RANBP17: variants seen among roughly 807,000 people sequenced by gnomAD.
The protein encoded by RANBP17 is ran-binding protein 17.
RANBP17 carries 158 observed loss-of-function variants against 141.2 expected under a neutral mutation model. The observed-to-expected ratio is 1.12, with a 90% confidence interval of 0.98 to 1.28. The LOEUF (loss-of-function observed/expected upper bound fraction) is 1.28. Among genes scored for constraint, RANBP17 ranks in the 50% most tolerant of loss-of-function variants. The pLI, the probability that RANBP17 is intolerant of heterozygous loss-of-function variation, is 0.00. For missense variants in RANBP17, 1,438 were observed against 1,290.7 expected (o/e 1.11, Z -1.75); for synonymous variants, 430 against 450.0 (o/e 0.96, Z 0.56).
chr5:171,288,862 C>G (rs756213679), intron 25 of RANBP17, among the ~76,000 whole-genome samples: 11 of 152,172 alleles, frequency 7.2e-5, no homozygotes, highest in African/African-American at 1.2e-4. Context: ...TACAAAGGCA[C>G]TCTCTGGAGC....
At chr5:171,036,186 G>A (rs2127625917) in intron 14 of RANBP17, among the ~76,000 whole-genome samples, 1 of 152,266 alleles carries the variant, frequency 6.6e-6, no homozygotes, top group East Asian at 1.9e-4. Context: ...ACAGGTGTGA[G>A]CCACCTCTGT....
intron 14 of RANBP17, among the ~76,000 whole-genome samples, chr5:171,078,424 G>T (rs1276278909): frequency 5.9e-5 from 9 of 152,114 alleles, no homozygotes; most frequent in Admixed American, 5.9e-4. Flanking sequence ...CCAAAGTGCT[G>T]GGATTACGGG....
chr5:170,937,877 G>T (rs958963776), intron 12 of RANBP17, among the ~76,000 whole-genome samples: 1 of 152,116 alleles, frequency 6.6e-6, no homozygotes, highest in Non-Finnish European at 1.5e-5. Flanking sequence ...ATTAGTGTTT[G>T]GTTCTTCAAA....
chr5:171,128,810 A>C (rs932573806), intron 14 of RANBP17, among the ~76,000 whole-genome samples: 1 of 118,144 alleles, frequency 8.5e-6, no homozygotes, highest in Admixed American at 9.4e-5. Flanking sequence ...TAAAAAAATA[A>C]AATAGTCAAG....
chr5:170,968,229 TCCC>T lies in RANBP17; in HGVS notation c.1575-12_1575-10del, dbSNP rs1581264303. ...TGTACTGAAGGTTTTTTTTTTATTT[TCCC>T]TTCATGAAGAGTTTTTCAGCTTATA... On this transcript the variant is annotated splice_polypyrimidine_tract_variant and intron_variant, in intron 13 of 27. Transcript: ENST00000523189. The T allele has an allele frequency of 3.9e-6, 6 of 1,538,834 alleles. No homozygotes were observed. Among genetic ancestry groups the T allele is most frequent in the Admixed American group, 2.4e-5 (1 of 41,088 alleles).
At chr5:170,957,190 A>G (rs1186922625) in intron 13 of RANBP17, among the ~76,000 whole-genome samples, 1 of 152,138 alleles carries the variant, frequency 6.6e-6, no homozygotes, top group Non-Finnish European at 1.5e-5. Flanking sequence ...AACAAATATT[A>G]GTTTTTTATT....
At chr5:170,864,574 C>T (rs1204824856) in intron 1 of RANBP17, among the ~76,000 whole-genome samples, 2 of 152,092 alleles carry the variant, frequency 1.3e-5, no homozygotes, top group Non-Finnish European at 2.9e-5. Context: ...GATTCCCTGA[C>T]AGGCAATCCA....
chr5:171,164,493 G>A (rs1332681487), intron 14 of RANBP17, among the ~76,000 whole-genome samples: 1 of 151,638 alleles, frequency 6.6e-6, no homozygotes, highest in East Asian at 1.9e-4. Context: ...AATTCTACAG[G>A]CAATATTTGT....
chr5:171,079,300 C>T (rs1159513444), intron 14 of RANBP17, among the ~76,000 whole-genome samples: 1 of 152,114 alleles, frequency 6.6e-6, no homozygotes, highest in Non-Finnish European at 1.5e-5. Context: ...TATGAATAAA[C>T]AAATAAAATG....
intron 14 of RANBP17, among the ~76,000 whole-genome samples, chr5:171,000,238 A>G (rs997060898): frequency 6.6e-6 from 1 of 152,106 alleles, no homozygotes; most frequent in African/African-American, 2.4e-5. Context: ...CCTGCTTTCA[A>G]TTCTTTTGGA....
At chr5:171,225,559 C>T (rs2127985279) in intron 22 of RANBP17, among the ~76,000 whole-genome samples, 1 of 151,618 alleles carries the variant, frequency 6.6e-6, no homozygotes, top group African/African-American at 2.4e-5. Flanking sequence ...ACTGGGAGGG[C>T]ACAGAAGAGC....
intron 14 of RANBP17, among the ~76,000 whole-genome samples, chr5:171,159,718 A>G (rs1158676638): frequency 6.6e-6 from 1 of 151,850 alleles, no homozygotes; most frequent in Admixed American, 6.6e-5. Context: ...TCAGGAGATC[A>G]AGACCATCCT....
At chr5:171,233,660 A>G (rs1336911199) in intron 22 of RANBP17, among the ~76,000 whole-genome samples, 1 of 152,248 alleles carries the variant, frequency 6.6e-6, no homozygotes, top group Non-Finnish European at 1.5e-5. Flanking sequence ...TACATACTGT[A>G]TAATCCCAAC....
chr5:171,176,032 C>T (rs558026827), intron 16 of RANBP17, among the ~76,000 whole-genome samples: 3 of 152,144 alleles, frequency 2.0e-5, no homozygotes, highest in East Asian at 1.9e-4. Flanking sequence ...GTATACAGCC[C>T]GCATGCCTGT....
At chr5:170,920,799 T>C (rs2127439192) in intron 11 of RANBP17, among the ~76,000 whole-genome samples, 1 of 152,348 alleles carries the variant, frequency 6.6e-6, no homozygotes, top group Middle Eastern at 3.4e-3. Flanking sequence ...CTAACTGGCA[T>C]GAGATGGTAT....
In RANBP17 at chr5:171,221,760, C is replaced by A. The variant is rs753287422; in HGVS notation, c.2342C>A (p.Ser781Tyr). 2.5e-5 allele frequency: 40 copies of A among 1,598,596 alleles called. No individual in the cohort carries two copies. Among genetic ancestry groups the A allele is most frequent in the Non-Finnish European group, 3.3e-5 (39 of 1,167,484 alleles). Residue 781 changes from serine (S) to tyrosine (Y), a missense_variant and splice_region_variant, in exon 22 of 28, where the codon TCC (serine) becomes TAC (tyrosine). Physicochemically the swap from Ser to Tyr is moderately radical, Grantham distance 144 (BLOSUM62 -2). Coordinates refer to ENST00000523189, the MANE Select transcript of RANBP17 (RefSeq NM_022897.5). ...CAATTTTTTTCTATATTTCTTAGATCCCAGCGTTTGAATTTTGATGTATCA... is the reference window on the plus strand; with the variant it reads ...CAATTTTTTTCTATATTTCTTAGATACCAGCGTTTGAATTTTGATGTATCA... ...KLMAELMQNR[S>Y]QRLNFDVSSP...
intron 2 of RANBP17, 145 bp downstream of exon 2, chr5:170,878,388 G>T: frequency 1.6e-6 from 1 of 614,986 alleles, no homozygotes. Flanking sequence ...ACTGTCAAAG[G>T]GGTTAATCAG....
intron 21 of RANBP17, among the ~76,000 whole-genome samples, chr5:171,215,859 T>G (rs967839976): frequency 6.6e-6 from 1 of 152,214 alleles, no homozygotes; most frequent in Non-Finnish European, 1.5e-5. Flanking sequence ...GTAGGTTGCC[T>G]GTTCACTCTG....
At chr5:171,169,266 C>G (rs1256418085) in intron 14 of RANBP17, among the ~76,000 whole-genome samples, 1 of 152,096 alleles carries the variant, frequency 6.6e-6, no homozygotes, top group Non-Finnish European at 1.5e-5. Context: ...AGAACACAAT[C>G]ACAGAGGATC....
Sources: gnomAD v4.1 joint callset for allele counts (sites outside exome capture counted in the v4.1 genomes callset) on GRCh38, gnomAD v4.1.1 for gene constraint, MANE v1.5 for transcripts, NCBI Gene and HGNC (gene_info 2026-07-23, HGNC 2026-07-21) for gene names.